The following TENM2 variants were observed in gnomAD, a reference collection of about 807,000 sequenced individuals.
TENM2 encodes the protein teneurin transmembrane protein 2, also known as teneurin-2.
Under a neutral mutation model 245.2 loss-of-function variants are expected in TENM2, and 52 were observed. The observed-to-expected ratio is 0.21, with a 90% CI of 0.17 to 0.27. The LOEUF is 0.27. TENM2 is among the 10% of genes least tolerant of loss of function. TENM2 has a pLI of 1.00. For missense variants in TENM2, 3,046 were observed against 3,666.8 expected, an observed-to-expected ratio of 0.83 and a Z score of 4.37; for synonymous variants, 1,363 against 1,438.9, an observed-to-expected ratio of 0.95 and a Z score of 1.19.
At chr5:167,600,058 A>AAAAAAAAAAAAAAAAAAAAAAAG (rs1554088005) in intron 2 of TENM2, among the ~76,000 whole-genome samples, 2 of 152,012 alleles carry the variant, frequency 1.3e-5, no homozygotes, top group African/African-American at 4.8e-5. Context: ...AGGCGGGAGA[A>AAAAAAAAAAAAAAAAAAAAAAAG]TTGCTTGAAC....
At chr5:167,013,136 T>G in the TENM2 span, among the ~76,000 whole-genome samples, 16 of 152,270 alleles carry the variant, frequency 1.1e-4, no homozygotes, top group Admixed American at 9.2e-4. Flanking sequence ...TGTAACTATG[T>G]CTTTAAAATA....
intron 4 of TENM2, among the ~76,000 whole-genome samples, chr5:167,956,216 A>T (rs1470088740): frequency 6.6e-6 from 1 of 151,944 alleles, no homozygotes; most frequent in Non-Finnish European, 1.5e-5. Flanking sequence ...TAGGTATTTT[A>T]TTCTCTTTGT....
At chr5:168,049,776 T>C (rs771111188) in intron 6 of TENM2, among the ~76,000 whole-genome samples, 1 of 152,220 alleles carries the variant, frequency 6.6e-6, no homozygotes, top group African/African-American at 2.4e-5. Context: ...AAATAAGTTA[T>C]GTGACAGACA....
chr5:167,207,302 G>A, the TENM2 span, among the ~76,000 whole-genome samples: 4 of 152,288 alleles, frequency 2.6e-5, no homozygotes, highest in South Asian at 4.1e-4. Flanking sequence ...AACGGGACAC[G>A]CCCCAAGCCC....
At chr5:167,796,696 T>C (rs1232296341) in intron 2 of TENM2, among the ~76,000 whole-genome samples, 2 of 152,126 alleles carry the variant, frequency 1.3e-5, no homozygotes, top group Non-Finnish European at 2.9e-5. Context: ...GGCTCATGGC[T>C]GCAGGGATGC....
At chr5:168,057,106 G>A (rs1257008350) in intron 6 of TENM2, among the ~76,000 whole-genome samples, 1 of 152,060 alleles carries the variant, frequency 6.6e-6, no homozygotes, top group Non-Finnish European at 1.5e-5. Flanking sequence ...AGTAAAAAGT[G>A]AAAACCCCTC....
chr5:167,714,237 G>T (rs1240057020), intron 2 of TENM2, among the ~76,000 whole-genome samples: 1 of 152,164 alleles, frequency 6.6e-6, no homozygotes, highest in African/African-American at 2.4e-5. Context: ...TGATTTTCAT[G>T]TTCTAGCACT....
intron 1 of TENM2, among the ~76,000 whole-genome samples, chr5:167,346,477 G>C (rs1758463396): frequency 6.6e-6 from 1 of 152,146 alleles, no homozygotes; most frequent in African/African-American, 2.4e-5. Context: ...TTTTCTCTTA[G>C]ACTTTTTAAG....
the TENM2 span, among the ~76,000 whole-genome samples, chr5:167,147,159 G>A: frequency 6.6e-6 from 1 of 152,090 alleles, no homozygotes; most frequent in East Asian, 1.9e-4. Context: ...TTTGAACTAG[G>A]CATAGTGCTT....
intron 2 of TENM2, among the ~76,000 whole-genome samples, chr5:167,516,016 T>A (rs562369868): frequency 6.6e-6 from 1 of 151,902 alleles, no homozygotes; most frequent in African/African-American, 2.4e-5. Context: ...GGACACAGAT[T>A]TTTTTTTAGA....
intron 5 of TENM2, among the ~76,000 whole-genome samples, chr5:167,999,520 G>A (rs1562033565): frequency 6.6e-6 from 1 of 152,208 alleles, no homozygotes; most frequent in Non-Finnish European, 1.5e-5. Context: ...TCAATTTATG[G>A]GAAGACAATT....
intron 3 of TENM2, among the ~76,000 whole-genome samples, chr5:167,894,988 A>AGGAAGGAAGGAAGGAAGGAAGGAG: frequency 9.4e-6 from 1 of 106,412 alleles, no homozygotes; most frequent in South Asian, 3.6e-4. Flanking sequence ...GAAGGAAGGA[A>AGGAAGGAAGGAAGGAAGGAAGGAG]GGAGGGAAGG....
intron 2 of TENM2, among the ~76,000 whole-genome samples, chr5:167,580,666 A>C (rs1775025715): frequency 6.6e-6 from 1 of 152,268 alleles, no homozygotes; most frequent in African/African-American, 2.4e-5. Context: ...AACAGGGAGC[A>C]GATTTCTGTC....
rs530908315 is a variant in TENM2, at chr5:167,852,718, C to G, written c.503-23268C>G. Among the ~76,000 whole-genome samples, 9 of 152,194 alleles carry G rather than the reference C, an allele frequency of 5.9e-5. No homozygotes were observed. In the East Asian group the frequency reaches 1.4e-3, roughly 23 times the overall value. On this transcript the variant is annotated intron_variant, in intron 2 of 28. Coordinates refer to ENST00000518659, the Ensembl canonical transcript of TENM2. ...CTTCTAGGAACCAAATCTGCATGAT[C>G]GGCTCTTTTATATTTCTCTTTAACA...
At chr5:167,997,910 C>T (rs1784172885) in intron 5 of TENM2, among the ~76,000 whole-genome samples, 1 of 152,162 alleles carries the variant, frequency 6.6e-6, no homozygotes. Flanking sequence ...GCTAAGAGTC[C>T]AACCATATGT....
intron 2 of TENM2, among the ~76,000 whole-genome samples, chr5:167,824,090 G>T (rs1767763303): frequency 6.6e-6 from 1 of 152,184 alleles, no homozygotes; most frequent in Non-Finnish European, 1.5e-5. Flanking sequence ...TACTGTCCTG[G>T]AGGCCAGAGG....
chr5:167,249,022 G>T, the TENM2 span, among the ~76,000 whole-genome samples: 8 of 152,232 alleles, frequency 5.3e-5, no homozygotes, highest in South Asian at 1.0e-3. Context: ...GCATATCTCT[G>T]TAATTAATAC....
intron 2 of TENM2, among the ~76,000 whole-genome samples, chr5:167,408,739 CAT>C (rs1762756083): frequency 6.6e-6 from 1 of 151,316 alleles, no homozygotes; most frequent in Admixed American, 6.6e-5. Flanking sequence ...TCAGCCAAGA[CAT>C]AGTATTTTAG....
At chr5:167,699,812 G>A (rs1758020479) in intron 2 of TENM2, among the ~76,000 whole-genome samples, 1 of 152,182 alleles carries the variant, frequency 6.6e-6, no homozygotes, top group African/African-American at 2.4e-5. Flanking sequence ...AGTTTACTAT[G>A]CAGTAGGTTC....
Sources: gnomAD v4.1 joint callset for allele counts (sites outside exome capture counted in the v4.1 genomes callset) on GRCh38, gnomAD v4.1.1 for gene constraint, MANE v1.5 for transcripts, NCBI Gene and HGNC (gene_info 2026-07-23, HGNC 2026-07-21) for gene names.